Variants in SCOC observed in about 807,000 individuals in gnomAD.
The protein encoded by SCOC is short coiled coil protein.
A neutral mutation model predicts 9.9 loss-of-function variants in SCOC; 7 were observed. That is an observed-to-expected ratio of 0.71 (90% CI 0.40 to 1.33). SCOC has a LOEUF of 1.33. SCOC is among the 40% of genes most tolerant of loss of function. The pLI is 0.01. For missense variants in SCOC, 66 were observed against 89.7 expected, an observed-to-expected ratio of 0.74 and a Z score of 1.07; for synonymous variants, 19 against 28.2, an observed-to-expected ratio of 0.67 and a Z score of 1.03.
At chr4:140,351,784 G>A (rs781581839) in intron 2 of SCOC, among the ~76,000 whole-genome samples, 14 of 151,900 alleles carry the variant, frequency 9.2e-5, no homozygotes, top group South Asian at 2.1e-4. Context: ...AGGTATCAAG[G>A]GTCTGTATTC....
chr4:140,380,088 T>G (rs928590335), intron 3 of SCOC, among the ~76,000 whole-genome samples: 4 of 152,132 alleles, frequency 2.6e-5, no homozygotes, highest in Non-Finnish European at 5.9e-5. Flanking sequence ...GTGTTTTTGG[T>G]GCCACAGTGA....
intron 1 of SCOC, chr4:140,284,105 G>C: frequency 6.6e-6 from 1 of 152,148 alleles, no homozygotes; most frequent in East Asian, 1.9e-4. Flanking sequence ...AGGGGGAAAG[G>C]AGAGAGGACC....
chr4:140,309,634 T>C (rs1732093289), intron 1 of SCOC, among the ~76,000 whole-genome samples: 1 of 152,236 alleles, frequency 6.6e-6, no homozygotes, highest in African/African-American at 2.4e-5. Flanking sequence ...TCTGGGCTTC[T>C]TTGCCATTCC....
chr4:140,344,013 C>T (rs1379459491), intron 2 of SCOC, among the ~76,000 whole-genome samples: 14 of 152,074 alleles, frequency 9.2e-5, no homozygotes, highest in Admixed American at 3.3e-4. Context: ...CCTATAATAT[C>T]GCCACATTTT....
chr4:140,374,692 G>T (rs1349409888), intron 1 of SCOC, among the ~76,000 whole-genome samples: 1 of 152,126 alleles, frequency 6.6e-6, no homozygotes, highest in Admixed American at 6.5e-5. Flanking sequence ...GACATCAGTG[G>T]TAGCAAAATG....
intron 1 of SCOC, among the ~76,000 whole-genome samples, chr4:140,287,078 C>A (rs1731295309): frequency 6.6e-6 from 1 of 151,930 alleles, no homozygotes; most frequent in Non-Finnish European, 1.5e-5. Flanking sequence ...CCACACAGAC[C>A]ATGCACATAT....
chr4:140,359,064 T>C (rs1251441671), intron 2 of SCOC, among the ~76,000 whole-genome samples: 1 of 152,240 alleles, frequency 6.6e-6, no homozygotes, highest in Admixed American at 6.5e-5. Context: ...CTGTATATTA[T>C]GGCTGTGTAA....
At chr4:140,288,366 C>G (rs759667962) in intron 1 of SCOC, among the ~76,000 whole-genome samples, 30 of 152,048 alleles carry the variant, frequency 2.0e-4, no homozygotes, top group Non-Finnish European at 4.0e-4. Context: ...ACTGCACTTA[C>G]AGTGCACACT....
chr4:140,340,782 A>ATTTTTTT, upstream of SCOC, among the ~76,000 whole-genome samples: 1 of 49,676 alleles, frequency 2.0e-5, no homozygotes, highest in African/African-American at 9.4e-5. Flanking sequence ...ATGCTGCCTA[A>ATTTTTTT]CTTTTTTTTT....
chr4:140,285,286 G>C (rs1731233567), intron 1 of SCOC: 1 of 456,562 alleles, frequency 2.2e-6, no homozygotes, highest in Non-Finnish European at 4.4e-6. Context: ...AGCCAAAAGA[G>C]AGAAGAGATA....
At chr4:140,292,403 G>A (rs917809095) in intron 1 of SCOC, among the ~76,000 whole-genome samples, 7 of 152,020 alleles carry the variant, frequency 4.6e-5, no homozygotes, top group African/African-American at 1.7e-4. Flanking sequence ...TAGCTAGGCT[G>A]GTCTTGAACT....
intron 1 of SCOC, among the ~76,000 whole-genome samples, chr4:140,332,692 CT>C (rs1410752775): frequency 1.1e-4 from 17 of 152,048 alleles, no homozygotes; most frequent in Non-Finnish European, 2.5e-4. Flanking sequence ...TCATCTTTGA[CT>C]GATCTTTCTC....
chr4:140,287,166 C>T (rs900436826), intron 1 of SCOC, among the ~76,000 whole-genome samples: 15 of 149,984 alleles, frequency 1.0e-4, no homozygotes, highest in African/African-American at 3.5e-4. Context: ...CATGTACATA[C>T]ATATACCATG....
intron 1 of SCOC, among the ~76,000 whole-genome samples, chr4:140,315,306 T>C (rs1267380341): frequency 6.6e-6 from 1 of 152,176 alleles, no homozygotes; most frequent in East Asian, 1.9e-4. Context: ...TATCTAACAT[T>C]TATTGTGTGA....
chr4:140,327,719 C>T (rs904650933), intron 1 of SCOC, among the ~76,000 whole-genome samples: 18 of 152,142 alleles, frequency 1.2e-4, no homozygotes, highest in Non-Finnish European at 1.5e-5. Flanking sequence ...AATAGTCAAG[C>T]GTTCACTCTG....
chr4:140,305,124 T>A (rs770261238), intron 1 of SCOC, among the ~76,000 whole-genome samples: 2 of 152,180 alleles, frequency 1.3e-5, no homozygotes, highest in Admixed American at 6.5e-5. Flanking sequence ...AGATAGAGTT[T>A]AAGCACACAA....
intron 1 of SCOC, among the ~76,000 whole-genome samples, chr4:140,289,674 A>G (rs1053229089): frequency 6.6e-6 from 1 of 152,140 alleles, no homozygotes; most frequent in Non-Finnish European, 1.5e-5. Flanking sequence ...GCTCCTTAAG[A>G]ACTAGTGCCA....
chr4:140,370,032 G>A (rs1052371821), upstream of SCOC, among the ~76,000 whole-genome samples: 2 of 151,894 alleles, frequency 1.3e-5, no homozygotes, highest in African/African-American at 4.8e-5. Flanking sequence ...TAAGCTGAAA[G>A]CTGAGTCATG....
intron 2 of SCOC, among the ~76,000 whole-genome samples, chr4:140,360,085 C>G (rs1727398277): frequency 6.6e-6 from 1 of 152,138 alleles, no homozygotes; most frequent in Non-Finnish European, 1.5e-5. Context: ...TTCAGCTCAA[C>G]AGTTCTGTGA....
Sources: gnomAD v4.1 joint callset for allele counts (sites outside exome capture counted in the v4.1 genomes callset) on GRCh38, gnomAD v4.1.1 for gene constraint, MANE v1.5 for transcripts, NCBI Gene and HGNC (gene_info 2026-07-23, HGNC 2026-07-21) for gene names.